SCN7A: variants seen among roughly 807,000 people sequenced by gnomAD.
The protein encoded by SCN7A is sodium voltage-gated channel alpha subunit 7, also known as sodium channel protein type 7 subunit alpha.
In SCN7A, 138 loss-of-function variants were observed where a neutral mutation model predicts 155.2. The ratio of observed to expected loss-of-function variants is 0.89; its 90% CI spans 0.77 to 1.02. SCN7A has a LOEUF of 1.02. Among genes scored for constraint, SCN7A ranks in the 50% least tolerant of loss-of-function variants. SCN7A has a pLI of 0.00. For missense variants in SCN7A, 2,058 were observed against 1,986.6 expected (o/e 1.04, Z -0.68); for synonymous variants, 693 against 649.0 (o/e 1.07, Z -1.03).
chr2:166,432,597 T>A lies in SCN7A; in HGVS notation c.2313A>T (p.Gln771His), dbSNP rs758233407. 1.2e-6 allele frequency: 2 copies of A among 1,613,236 alleles called. No homozygotes were observed. The highest frequency in any genetic ancestry group is 1.1e-5 in the South Asian group (1 of 90,924). The change falls in exon 16 of 26, where the codon CAA becomes CAT. Residue 771 changes from glutamine (Q) to histidine (H), a missense_variant. Transcript: ENST00000643258. ...GGTCCATTGTGTCCTTTGGGACATT[T>A]TGTGTTTTGCATAGTATTTTAAGAA... Reference protein sequence around the residue: ...YVLLKILCKTQNVPKDTMDHV... With the variant: ...YVLLKILCKTHNVPKDTMDHV...
In SCN7A at chr2:166,449,853, CTT is replaced by C. The variant is rs533736270; in HGVS notation, c.1291-2147_1291-2146del. 2.0e-5 allele frequency among the ~76,000 whole-genome samples: 3 copies of C among 152,198 alleles called. No homozygotes were observed. The East Asian group carries it at 5.8e-4, about 29-fold the overall frequency. ...GTGAGGTTGTGGAGAAATTGGAATG[CTT>C]GTACACTGCTAGTGGGAATGTAAGT... On this transcript the variant is annotated intron_variant, in intron 11 of 25. Transcript: ENST00000643258.
chr2:166,417,196 G>T (rs1701397900), intron 20 of SCN7A, among the ~76,000 whole-genome samples: 2 of 152,090 alleles, frequency 1.3e-5, no homozygotes, highest in African/African-American at 4.8e-5. Flanking sequence ...AAATCAGGCT[G>T]GGCGTGGTGG....
intron 1 of SCN7A, among the ~76,000 whole-genome samples, chr2:166,488,313 G>C (rs1039775396): frequency 3.3e-5 from 5 of 151,904 alleles, no homozygotes; most frequent in African/African-American, 1.2e-4. Context: ...TTCCCCTCCA[G>C]GGTTTACAAC....
intron 20 of SCN7A, among the ~76,000 whole-genome samples, chr2:166,419,631 T>A (rs753036773): frequency 2.6e-5 from 4 of 152,118 alleles, no homozygotes; most frequent in Admixed American, 6.6e-5. Context: ...TCTCCCAAAT[T>A]GCTAGGATTA....
At chr2:166,410,132 T>G in intron 24 of SCN7A, 88 bp downstream of exon 24, 1 of 1,198,238 alleles carries the variant, frequency 8.3e-7, no homozygotes, top group South Asian at 1.6e-5. Flanking sequence ...ACACAAAAAT[T>G]TTGACAAAAA....
intron 7 of SCN7A, among the ~76,000 whole-genome samples, chr2:166,468,868 A>G (rs1334848387): frequency 6.6e-6 from 1 of 151,716 alleles, no homozygotes; most frequent in Non-Finnish European, 1.5e-5. Context: ...TAAGTTTACT[A>G]TTAACATGCG....
chr2:166,481,052 G>T (rs1234920679), intron 2 of SCN7A, among the ~76,000 whole-genome samples: 1 of 152,120 alleles, frequency 6.6e-6, no homozygotes, highest in Non-Finnish European at 1.5e-5. Flanking sequence ...GGTGGCCAAT[G>T]GATACGACAT....
chr2:166,439,053 G>GTATATACATATA (rs1283353813), intron 15 of SCN7A, among the ~76,000 whole-genome samples: 26 of 86,096 alleles, frequency 3.0e-4, no homozygotes, highest in African/African-American at 1.2e-3. Context: ...GTGTGTGTGT[G>GTATATACATATA]TGTATATATA....
In SCN7A at chr2:166,410,005, A is replaced by G. The variant is rs79231915; in HGVS notation, c.3712-70T>C. On this transcript the variant is annotated intron_variant, in intron 24 of 25. Coordinates refer to ENST00000643258, the MANE Select transcript of SCN7A (RefSeq NM_002976.4). ...CATATACATATATATGGTCTTTTAT[A>G]CACTACAACTTTCTTCCCAAAATAA... 4.9e-3 allele frequency: 6,652 copies of G among 1,362,908 alleles called. 333 individuals are homozygous for G. In the East Asian group the frequency reaches 0.12, roughly 25 times the overall value. The allele number at this position is 1,362,908 out of a possible 1,614,324, so 84.4% of individuals were successfully genotyped here. A position where few individuals can be genotyped will look rare whatever the true frequency, so the allele number is the denominator to read the frequency against.
Position 166,488,646 on chromosome 2 carries a change from AT to A in SCN7A, c.-127-1679del, listed in dbSNP as rs1180419472. ...GTCAACAGTTTCTTTTTTTTTTTTT[AT>A]TTTTTTTTGAGACGGAGTCTCACTC... On this transcript the variant is annotated intron_variant, in intron 1 of 25. Transcript: ENST00000643258. Among the ~76,000 whole-genome samples, 8 of 128,310 alleles carry A rather than the reference AT, an allele frequency of 6.2e-5. No homozygotes were observed. In the East Asian group the frequency reaches 1.2e-3, roughly 20 times the overall value. 84.2% of individuals were successfully genotyped at this position (128,310 alleles called of 152,430 possible). A position where few individuals can be genotyped will look rare whatever the true frequency, so the allele number is the denominator to read the frequency against.
In SCN7A at chr2:166,406,412, T is replaced by G. The variant is rs200020473; in HGVS notation, c.4217A>C (p.Lys1406Thr). The change falls in exon 26 of 26, where the codon AAA becomes ACA. Residue 1406 changes from lysine (K) to threonine (T), a missense_variant. By Grantham distance (78) the Lys-to-Thr change is moderately conservative. Coordinates refer to ENST00000643258, the MANE Select transcript of SCN7A (RefSeq NM_002976.4). ...VFGMYNFAYV[K>T]KEAGINDVSN... ...CACATCATTAATTCCAGCTTCTTTT[T>G]TAACATAGGCAAAATTATACATTCC... 3 of 1,612,996 alleles carry G rather than the reference T, an allele frequency of 1.9e-6. No homozygotes were observed. Among genetic ancestry groups the G allele is most frequent in the Non-Finnish European group, 1.7e-6 (2 of 1,179,350 alleles).
chr2:166,458,102 T>C (rs536869670), intron 10 of SCN7A, among the ~76,000 whole-genome samples: 3 of 152,144 alleles, frequency 2.0e-5, no homozygotes, highest in Non-Finnish European at 4.4e-5. Flanking sequence ...TGTTATTTAT[T>C]GTAGTGCATT....
chr2:166,416,706 C>T lies in SCN7A; in HGVS notation c.3414+1G>A. The T allele has an allele frequency of 6.3e-7, 1 of 1,598,682 alleles. No homozygotes were observed. ...TAAGGAAAAGTCAAAAGTGTACTTA[C>T]TACTTGAAGCAGAGAAAGGAAACCA... On this transcript the variant is annotated splice_donor_variant, in intron 21 of 25. Transcript: ENST00000643258. LOFTEE classifies it high-confidence loss of function.
chr2:166,439,055 G>GTGTGTGTA (rs375208870), intron 15 of SCN7A, among the ~76,000 whole-genome samples: 3,607 of 113,348 alleles, frequency 0.032, 75 homozygotes, highest in Non-Finnish European at 0.047. Context: ...GTGTGTGTGT[G>GTGTGTGTA]TATATATATA....
At chr2:166,454,461 T>C (rs74336943) in intron 11 of SCN7A, among the ~76,000 whole-genome samples, 28 of 152,332 alleles carry the variant, frequency 1.8e-4, no homozygotes, top group African/African-American at 6.5e-4. Flanking sequence ...TTCCACCTTT[T>C]GGTACAATAG....
chr2:166,465,835 C>G lies in SCN7A; in HGVS notation c.817G>C (p.Glu273Gln). 1 of 1,613,822 alleles carries G rather than the reference C, an allele frequency of 6.2e-7. No homozygotes were observed. Among genetic ancestry groups the G allele is most frequent in the Non-Finnish European group, 8.5e-7 (1 of 1,179,848 alleles). ...TTGTGCAGGGTTTCATTTTCATTCT[C>G]TTGGGGCCATCGAAAACATTTATGT... is the stretch of plus-strand genomic sequence containing the variant. Reference protein sequence around the residue: ...LKHKCFRWPQENENETLHNRT... With the variant: ...LKHKCFRWPQQNENETLHNRT... Residue 273 changes from glutamate (E) to glutamine (Q), a missense_variant, in exon 8 of 26, where the codon GAG becomes CAG. By Grantham distance (29) the Glu-to-Gln change is conservative. Coordinates refer to ENST00000643258, the MANE Select transcript of SCN7A (RefSeq NM_002976.4).
chr2:166,491,575 A>G (rs1683107893), intron 1 of SCN7A, among the ~76,000 whole-genome samples: 1 of 152,158 alleles, frequency 6.6e-6, no homozygotes, highest in Non-Finnish European at 1.5e-5. Flanking sequence ...CTTATCTTTA[A>G]CTTCAAAGGC....
chr2:166,450,573 G>A (rs992702688), intron 11 of SCN7A, among the ~76,000 whole-genome samples: 13 of 152,128 alleles, frequency 8.5e-5, no homozygotes, highest in African/African-American at 1.9e-4. Flanking sequence ...AGGCCGAGGC[G>A]AGCAGATCAC....
chr2:166,482,401 A>G (rs1424200240), intron 2 of SCN7A, among the ~76,000 whole-genome samples: 2 of 152,020 alleles, frequency 1.3e-5, no homozygotes, highest in Non-Finnish European at 2.9e-5. Flanking sequence ...TCCTAGTATA[A>G]TATCCCTTTT....
Sources: allele counts gnomAD v4.1 joint callset (sites outside exome capture counted in the v4.1 genomes callset), GRCh38; gene constraint gnomAD v4.1.1; transcripts MANE v1.5; gene names NCBI Gene and HGNC (gene_info 2026-07-23, HGNC 2026-07-21).